Variants in CACNA1C observed in about 807,000 individuals in gnomAD.
CACNA1C encodes the protein voltage-dependent L-type calcium channel subunit alpha-1C.
Under a neutral mutation model 229.0 loss-of-function variants are expected in CACNA1C, and 30 were observed. That is an observed-to-expected ratio of 0.13 (90% CI 0.10 to 0.18). The LOEUF is 0.18. Among genes scored for constraint, CACNA1C ranks in the 10% least tolerant of loss-of-function variants. The pLI, the probability that CACNA1C is intolerant of heterozygous loss-of-function variation, is 1.00. For synonymous variants in CACNA1C, 1,114 were observed against 1,132.5 expected (o/e 0.98, Z 0.33); for missense variants, 1,658 against 2,845.0 (o/e 0.58, Z 9.49).
At position 2,610,195 on chromosome 12, in the gene CACNA1C, C is replaced by T. The variant is rs1388938901; in HGVS notation, c.3559-346C>T. Among the ~76,000 whole-genome samples, 6 of 152,150 alleles carry T rather than the reference C, an allele frequency of 3.9e-5. No individual in the cohort carries two copies. In the East Asian group the frequency reaches 5.8e-4, roughly 15 times the overall value. On this transcript the variant is annotated intron_variant, in intron 27 of 46. Coordinates refer to ENST00000399655, the MANE Select transcript of CACNA1C (RefSeq NM_000719.7). ...ATCAGTGAGAAGCACAGCTGTCAGTCGGTCAGGAAGCACATTCTTAGCGAT... is the reference window on the plus strand; with the variant it reads ...ATCAGTGAGAAGCACAGCTGTCAGTTGGTCAGGAAGCACATTCTTAGCGAT...
In CACNA1C at chr12:2,238,229, G is replaced by A. The variant is rs201762065; in HGVS notation, c.477+117799G>A. ...AGTAGGCATGATATGTGTATAAACT[G>A]GGATGTATCTCCTGTGATGGAGTGA... On this transcript the variant is annotated intron_variant, in intron 3 of 46. Coordinates refer to ENST00000399655, the MANE Select transcript of CACNA1C (RefSeq NM_000719.7). 3.9e-5 allele frequency among the ~76,000 whole-genome samples: 6 copies of A among 152,314 alleles called. No homozygotes were observed. The East Asian group carries it at 9.6e-4, about 24-fold the overall frequency.
chr12:2,079,557 C>T (rs2064648981), intron 1 of CACNA1C, among the ~76,000 whole-genome samples: 1 of 152,154 alleles, frequency 6.6e-6, no homozygotes, highest in Admixed American at 6.5e-5. Context: ...CATGAGGAAC[C>T]ATCTTTATGA....
intron 1 of CACNA1C, among the ~76,000 whole-genome samples, chr12:2,097,292 C>CT (rs1565655535): frequency 3.3e-5 from 5 of 152,044 alleles, no homozygotes; most frequent in African/African-American, 1.2e-4. Flanking sequence ...ACTACAGGCG[C>CT]CTGCCACCAC....
In CACNA1C at chr12:2,053,566, G is replaced by T; in HGVS notation, c.4G>T (p.Val2Phe). 1 of 1,597,642 alleles carries T rather than the reference G, an allele frequency of 6.3e-7. No individual in the cohort carries two copies. The highest frequency in any genetic ancestry group is 2.3e-5 in the East Asian group (1 of 44,074). The change falls in exon 1 of 47, where the codon GTC (valine) becomes TTC (phenylalanine). Residue 2 changes from valine to phenylalanine, a missense_variant. Transcript: ENST00000399655. The surrounding 1 kb of genome is among the most constrained non-coding windows in gnomAD (Gnocchi z 5.8). ...CTATTAAAACCATTTTTGGTCCATG[G>T]TCAATGAGAATACGAGGATGTACAT... M[V>F]NENTRMYIPE...
intron 10 of CACNA1C, among the ~76,000 whole-genome samples, chr12:2,555,376 T>C (rs1405112398): frequency 1.3e-5 from 2 of 152,216 alleles, no homozygotes; most frequent in African/African-American, 4.8e-5. Flanking sequence ...GGGACCAGGC[T>C]AGGCTTGGAG....
At chr12:2,369,234 G>A (rs1397455727) in intron 3 of CACNA1C, among the ~76,000 whole-genome samples, 1 of 151,986 alleles carries the variant, frequency 6.6e-6, no homozygotes, top group Non-Finnish European at 1.5e-5. Context: ...ATTTATGTAT[G>A]GTAAAAATAA....
At chr12:2,112,231 A>G (rs1045371967) in intron 1 of CACNA1C, among the ~76,000 whole-genome samples, 3 of 152,176 alleles carry the variant, frequency 2.0e-5, no homozygotes, top group African/African-American at 7.2e-5. Context: ...GTGTTCAAGC[A>G]GTTCTCATGC....
intron 1 of CACNA1C, among the ~76,000 whole-genome samples, chr12:2,076,623 A>G (rs1397737077): frequency 6.6e-6 from 1 of 152,164 alleles, no homozygotes; most frequent in Non-Finnish European, 1.5e-5. Context: ...AAGGCAACAG[A>G]GATGGTATCT....
intron 13 of CACNA1C, among the ~76,000 whole-genome samples, chr12:2,577,151 C>T (rs2058710907): frequency 6.6e-6 from 1 of 152,198 alleles, no homozygotes; most frequent in South Asian, 2.1e-4. Context: ...TGGGAAGCAA[C>T]AGTAGGCTGA....
chr12:2,166,852 G>T (rs1228641065), intron 3 of CACNA1C, among the ~76,000 whole-genome samples: 1 of 152,214 alleles, frequency 6.6e-6, no homozygotes, highest in African/African-American at 2.4e-5. Context: ...AGACTAGGCA[G>T]CAGGCTTCTG....
Position 1,971,202 on chromosome 12 carries a change from G to T in CACNA1C, c.139+1G>T, listed in dbSNP as rs1254296486. The stretch of plus-strand genomic sequence containing the variant: ...AACTATTTCTACATCTCTCCTGGAG[G>T]TAAGAAACCCTAAAGTGAAATAAAG... On this transcript the variant is annotated splice_donor_variant, in intron 1 of 46. Transcript: ENST00000682462. LOFTEE classifies it high-confidence loss of function. The surrounding 1 kb of genome is among the most constrained non-coding windows in gnomAD (Gnocchi z 4.2). The T allele has an allele frequency of 3.9e-6, 5 of 1,285,812 alleles. No individual in the cohort carries two copies. The Admixed American group carries it at 1.2e-4, about 30-fold the overall frequency. 79.7% of individuals were successfully genotyped at this position (1,285,812 alleles called of 1,614,324 possible).
chr12:2,655,952 A>G (rs2095397452), intron 34 of CACNA1C, among the ~76,000 whole-genome samples: 1 of 152,226 alleles, frequency 6.6e-6, no homozygotes. Flanking sequence ...CTGCAACACA[A>G]TAAAGGCCAC....
intron 22 of CACNA1C, chr12:2,603,643 C>T (rs185321453): frequency 6.6e-6 from 1 of 152,326 alleles, no homozygotes; most frequent in South Asian, 2.1e-4. Flanking sequence ...GTCTCCATTG[C>T]ACTAGGGAAA....
intron 9 of CACNA1C, among the ~76,000 whole-genome samples, chr12:2,541,681 A>C (rs1396265517): frequency 6.6e-6 from 1 of 152,204 alleles, no homozygotes; most frequent in Non-Finnish European, 1.5e-5. Context: ...CTGGCCTTGG[A>C]TAACGAGCTA....
At chr12:2,407,193 T>C (rs948303848) in intron 3 of CACNA1C, among the ~76,000 whole-genome samples, 2 of 152,216 alleles carry the variant, frequency 1.3e-5, no homozygotes, top group Non-Finnish European at 2.9e-5. Flanking sequence ...CTGACACCAC[T>C]TCGGCAGGGA....
intron 3 of CACNA1C, among the ~76,000 whole-genome samples, chr12:2,337,457 T>C (rs960045608): frequency 4.6e-5 from 7 of 152,208 alleles, no homozygotes; most frequent in Admixed American, 3.3e-4. Context: ...AAGATGCTTA[T>C]CATGGAGGCT....
intron 1 of CACNA1C, among the ~76,000 whole-genome samples, chr12:2,066,906 G>T (rs2059451583): frequency 1.3e-5 from 2 of 152,118 alleles, no homozygotes; most frequent in South Asian, 4.2e-4. Context: ...ATCCTGGGAG[G>T]GATGAGGCAG....
intron 1 of CACNA1C, among the ~76,000 whole-genome samples, chr12:2,015,554 A>T (rs563987065): frequency 5.1e-4 from 77 of 152,316 alleles, no homozygotes; most frequent in African/African-American, 1.7e-3. Flanking sequence ...TTTTGGGAGG[A>T]TACAATGGCA....
intron 9 of CACNA1C, among the ~76,000 whole-genome samples, chr12:2,538,306 T>C (rs2099860753): frequency 6.6e-6 from 1 of 152,168 alleles, no homozygotes; most frequent in Non-Finnish European, 1.5e-5. Flanking sequence ...TCAACCAGGC[T>C]TTAATTGCTT....
Sources: allele counts gnomAD v4.1 joint callset (sites outside exome capture counted in the v4.1 genomes callset), GRCh38; gene constraint gnomAD v4.1.1; non-coding constraint Gnocchi (gnomAD v3.1); transcripts MANE v1.5; gene names NCBI Gene and HGNC (gene_info 2026-07-23, HGNC 2026-07-21).